Variants in RAB38 observed in about 807,000 individuals in gnomAD.
RAB38 encodes ras-related protein Rab-38.
RAB38 carries 15 observed loss-of-function variants against 18.4 expected under a neutral mutation model. That is an observed-to-expected ratio of 0.82 (90% CI 0.55 to 1.26). The LOEUF (loss-of-function observed/expected upper bound fraction) is 1.26. Ranked by LOEUF, RAB38 falls within the 50% of genes most tolerant of loss-of-function variation. The pLI, the probability that RAB38 is intolerant of heterozygous loss-of-function variation, is 0.00. For missense variants in RAB38, 294 were observed against 267.4 expected (o/e 1.10, Z -0.69); for synonymous variants, 101 against 104.4 (o/e 0.97, Z 0.20).
the RAB38 span, among the ~76,000 whole-genome samples, chr11:88,032,094 A>T: frequency 6.6e-6 from 1 of 151,622 alleles, no homozygotes; most frequent in Non-Finnish European, 1.5e-5. Context: ...CAACTATCTG[A>T]TCTTTGACAA....
the RAB38 span, among the ~76,000 whole-genome samples, chr11:87,931,119 A>G: frequency 6.6e-6 from 1 of 152,124 alleles, no homozygotes; most frequent in African/African-American, 2.4e-5. Context: ...TGTTAGCTTG[A>G]TGGGGATGGC....
At chr11:87,920,110 C>G in the RAB38 span, among the ~76,000 whole-genome samples, 1 of 151,710 alleles carries the variant, frequency 6.6e-6, no homozygotes, top group African/African-American at 2.4e-5. Context: ...TTTTGTTGAT[C>G]TTTTCTATTG....
the RAB38 span, among the ~76,000 whole-genome samples, chr11:87,926,947 A>G: frequency 1.3e-5 from 2 of 152,066 alleles, no homozygotes; most frequent in African/African-American, 4.8e-5. Flanking sequence ...GATGGATCCA[A>G]CAGTTCAGAG....
the RAB38 span, among the ~76,000 whole-genome samples, chr11:88,038,665 T>C: frequency 6.6e-6 from 1 of 152,204 alleles, no homozygotes; most frequent in Non-Finnish European, 1.5e-5. Context: ...AATCATTTTT[T>C]CTTCTTCATA....
chr11:88,157,238 A>C (rs570860791), intron 1 of RAB38, among the ~76,000 whole-genome samples: 1 of 152,344 alleles, frequency 6.6e-6, no homozygotes, highest in Admixed American at 6.5e-5. Context: ...ACAGTCAAAT[A>C]GGACCAAAAA....
Position 88,175,400 on chromosome 11 carries a change from G to A in RAB38, c.-16C>T. On this transcript the variant is annotated 5_prime_UTR_variant, in exon 1 of 3. Coordinates refer to ENST00000243662, the MANE Select transcript of RAB38 (RefSeq NM_022337.3). ...GGGCCTGCATCCTGGCGGCCGGCCA[G>A]ACGTGCCGTGCCTGACCAGGGAAGC... The A allele has an allele frequency of 6.2e-7, 1 of 1,613,790 alleles. No individual in the cohort carries two copies. The highest frequency in any genetic ancestry group is 8.5e-7 in the Non-Finnish European group (1 of 1,179,906).
the RAB38 span, among the ~76,000 whole-genome samples, chr11:88,020,728 T>C: frequency 3.7e-4 from 57 of 152,092 alleles, no homozygotes; most frequent in African/African-American, 1.4e-3. Context: ...CATTAAAAAA[T>C]TGAAATAATA....
chr11:87,825,030 G>A, the RAB38 span, among the ~76,000 whole-genome samples: 7 of 151,976 alleles, frequency 4.6e-5, no homozygotes, highest in Non-Finnish European at 8.8e-5. Context: ...GTGTGTGAGA[G>A]AGAGAGAGAG....
rs565496126 is a variant in RAB38, at chr11:88,121,538, G to A, written c.484-7398C>T. Among the ~76,000 whole-genome samples, 7 of 152,244 alleles carry A rather than the reference G, an allele frequency of 4.6e-5. No homozygotes were observed. In the South Asian group the frequency reaches 6.2e-4, roughly 14 times the overall value. On this transcript the variant is annotated intron_variant, in intron 2 of 2. Transcript: ENST00000243662. ...TCACAAATGTCAAATAGCAAAGCCC[G>A]ACTCAAGAACAGAGCCCCTGCTGCT...
chr11:88,064,205 G>A, the RAB38 span, among the ~76,000 whole-genome samples: 2 of 152,186 alleles, frequency 1.3e-5, no homozygotes, highest in East Asian at 1.9e-4. Context: ...TTCAAGGTAT[G>A]AGAGAGAGTA....
At chr11:87,833,049 C>T in the RAB38 span, among the ~76,000 whole-genome samples, 1 of 152,264 alleles carries the variant, frequency 6.6e-6, no homozygotes, top group Non-Finnish European at 1.5e-5. Context: ...AGACTGTTCC[C>T]GTGGACTTCT....
At chr11:88,141,471 A>G (rs1335791257) in intron 2 of RAB38, among the ~76,000 whole-genome samples, 1 of 152,230 alleles carries the variant, frequency 6.6e-6, no homozygotes, top group African/African-American at 2.4e-5. Flanking sequence ...TACGCCTTAT[A>G]TTAGGATTTG....
intron 2 of RAB38, among the ~76,000 whole-genome samples, chr11:88,137,813 A>G (rs1335803181): frequency 6.6e-6 from 1 of 152,242 alleles, no homozygotes; most frequent in Non-Finnish European, 1.5e-5. Flanking sequence ...AAAAGAAAAC[A>G]GCTTATGCAC....
chr11:87,949,715 A>C, the RAB38 span, among the ~76,000 whole-genome samples: 1 of 152,182 alleles, frequency 6.6e-6, no homozygotes, highest in African/African-American at 2.4e-5. Context: ...TGAGTTTCTT[A>C]ATCCTGAGTT....
chr11:87,965,272 C>T, the RAB38 span, among the ~76,000 whole-genome samples: 1 of 142,924 alleles, frequency 7.0e-6, no homozygotes, highest in Non-Finnish European at 1.5e-5. Context: ...AGGTAAACAT[C>T]ATCTGTTAAT....
chr11:88,030,445 T>A, the RAB38 span, among the ~76,000 whole-genome samples: 1 of 152,144 alleles, frequency 6.6e-6, no homozygotes, highest in East Asian at 1.9e-4. Context: ...CAGAAGCTGG[T>A]TTTTTGAAAG....
At chr11:88,117,986 A>G (rs1445820253) in intron 2 of RAB38, among the ~76,000 whole-genome samples, 1 of 152,170 alleles carries the variant, frequency 6.6e-6, no homozygotes, top group Non-Finnish European at 1.5e-5. Flanking sequence ...CAGACAGGGA[A>G]AGTGACTGGC....
At chr11:87,894,206 G>A in the RAB38 span, among the ~76,000 whole-genome samples, 7 of 151,726 alleles carry the variant, frequency 4.6e-5, no homozygotes, top group Non-Finnish European at 8.9e-5. Context: ...TCTTTAGGAG[G>A]TAGAATTTTG....
chr11:88,153,118 G>A (rs770936699), intron 1 of RAB38, among the ~76,000 whole-genome samples: 1 of 152,234 alleles, frequency 6.6e-6, no homozygotes, highest in Non-Finnish European at 1.5e-5. Flanking sequence ...AACTTGAAAA[G>A]TCAGAAGGCA....
Sources: allele counts gnomAD v4.1 joint callset (sites outside exome capture counted in the v4.1 genomes callset), GRCh38; gene constraint gnomAD v4.1.1; transcripts MANE v1.5; gene names NCBI Gene and HGNC (gene_info 2026-07-23, HGNC 2026-07-21).